The following SOX6 variants were observed in gnomAD, a reference collection of about 807,000 sequenced individuals.
The protein encoded by SOX6 is SRY-box transcription factor 6.
Under a neutral mutation model 97.8 loss-of-function variants are expected in SOX6, and 11 were observed. The ratio of observed to expected loss-of-function variants is 0.11; its 90% confidence interval spans 0.07 to 0.19. The LOEUF (loss-of-function observed/expected upper bound fraction) is 0.19. Among genes scored for constraint, SOX6 ranks in the 10% least tolerant of loss-of-function variants. The pLI is 1.00. For missense variants in SOX6, 810 were observed against 1,039.5 expected, an observed-to-expected ratio of 0.78 and a Z score of 3.04; for synonymous variants, 360 against 371.4, an observed-to-expected ratio of 0.97 and a Z score of 0.35.
chr11:16,330,289 C>T (rs1167099207), intron 2 of SOX6, among the ~76,000 whole-genome samples: 1 of 152,216 alleles, frequency 6.6e-6, no homozygotes, highest in Non-Finnish European at 1.5e-5. Context: ...CACAGTGGCT[C>T]ATGCCTATAA....
At chr11:16,280,815 G>A (rs1178083660) in intron 3 of SOX6, among the ~76,000 whole-genome samples, 2 of 152,044 alleles carry the variant, frequency 1.3e-5, no homozygotes, top group Non-Finnish European at 2.9e-5. Flanking sequence ...TTATATGTAT[G>A]AATATTCAAT....
At chr11:16,465,151 CTT>C (rs954542647) in intron 1 of SOX6, among the ~76,000 whole-genome samples, 3 of 152,180 alleles carry the variant, frequency 2.0e-5, no homozygotes, top group African/African-American at 7.2e-5. Context: ...ACTCAACTCT[CTT>C]GTTTATACCC....
intron 4 of SOX6, among the ~76,000 whole-genome samples, chr11:16,590,060 C>G (rs990415435): frequency 1.3e-5 from 2 of 152,094 alleles, no homozygotes; most frequent in Non-Finnish European, 2.9e-5. Flanking sequence ...TAAAAATCAG[C>G]ACTGCGTAAT....
intron 1 of SOX6, among the ~76,000 whole-genome samples, chr11:16,407,371 A>G (rs1329434507): frequency 6.6e-6 from 1 of 152,168 alleles, no homozygotes; most frequent in African/African-American, 2.4e-5. Flanking sequence ...AGGACACTAC[A>G]TGAGAAAGTG....
intron 3 of SOX6, among the ~76,000 whole-genome samples, chr11:16,642,342 C>T (rs1238048195): frequency 6.6e-6 from 1 of 151,978 alleles, no homozygotes; most frequent in Non-Finnish European, 1.5e-5. Flanking sequence ...CTGTGGCTGC[C>T]CTTAACATTT....
At chr11:16,398,417 A>C (rs1308815262) in intron 1 of SOX6, among the ~76,000 whole-genome samples, 1 of 151,474 alleles carries the variant, frequency 6.6e-6, no homozygotes, top group Admixed American at 6.6e-5. Flanking sequence ...GATGTGAATA[A>C]GCAAGTCCTA....
intron 4 of SOX6, among the ~76,000 whole-genome samples, chr11:16,592,047 C>CTCTTTCTT (rs1160158681): frequency 1.3e-5 from 2 of 152,014 alleles, no homozygotes; most frequent in Non-Finnish European, 2.9e-5. Context: ...TCATCTATAT[C>CTCTTTCTT]TCTTTCTTTT....
At chr11:16,504,522 A>C (rs528572188) in intron 4 of SOX6, among the ~76,000 whole-genome samples, 1 of 152,114 alleles carries the variant, frequency 6.6e-6, no homozygotes, top group African/African-American at 2.4e-5. Flanking sequence ...AATAAATTTA[A>C]TCAAGGATAA....
intron 4 of SOX6, among the ~76,000 whole-genome samples, chr11:16,512,985 G>T (rs911787358): frequency 3.3e-5 from 5 of 152,142 alleles, no homozygotes; most frequent in African/African-American, 1.2e-4. Flanking sequence ...AAATGTATAT[G>T]CAATCTAGAA....
intron 1 of SOX6, among the ~76,000 whole-genome samples, chr11:16,475,774 T>A (rs1459342129): frequency 1.3e-5 from 2 of 152,300 alleles, no homozygotes; most frequent in Non-Finnish European, 2.9e-5. Flanking sequence ...AATGCAGGGT[T>A]GCCATAAACC....
intron 10 of SOX6, among the ~76,000 whole-genome samples, chr11:16,054,794 T>C (rs535256701): frequency 5.9e-5 from 9 of 152,308 alleles, no homozygotes; most frequent in Admixed American, 6.5e-5. Flanking sequence ...AAGTCAATTA[T>C]ACAAAACAAT....
chr11:16,556,069 G>A (rs983826070), intron 4 of SOX6, among the ~76,000 whole-genome samples: 1 of 151,510 alleles, frequency 6.6e-6, no homozygotes, highest in South Asian at 2.1e-4. Flanking sequence ...ATATTCTAGA[G>A]TAACTCACAT....
intron 1 of SOX6, among the ~76,000 whole-genome samples, chr11:16,422,697 T>C (rs1344692455): frequency 6.6e-6 from 1 of 152,208 alleles, no homozygotes; most frequent in East Asian, 1.9e-4. Flanking sequence ...CACTGCTCAC[T>C]AAATCATGCA....
At chr11:16,085,202 A>T (rs551909550) in intron 9 of SOX6, among the ~76,000 whole-genome samples, 1 of 152,244 alleles carries the variant, frequency 6.6e-6, no homozygotes, top group East Asian at 1.9e-4. Context: ...CTGAGAGAGG[A>T]TATCTTTTTC....
At chr11:16,694,505 A>C (rs1407372487) in intron 3 of SOX6, among the ~76,000 whole-genome samples, 3 of 152,250 alleles carry the variant, frequency 2.0e-5, no homozygotes, top group Non-Finnish European at 4.4e-5. Flanking sequence ...CCTGGGCAAC[A>C]GAATAAGACC....
rs1267687441 is a variant in SOX6, at chr11:16,055,794, T to C, written c.1209A>G (p.Ile403Met). ...NTAGTVSPTG[I>M]KNEKRGTSPV... ...GGCTGGTCCCTCTCTTTTCATTTTT[T>C]ATCCCAGTAGGTGAGACCGTCCCTG... The change falls in exon 10 of 16, where the codon ATA (isoleucine) becomes ATG (methionine). Residue 403 changes from isoleucine to methionine, a missense_variant. Ile to Met is a conservative substitution (Grantham distance 10). Transcript: ENST00000683767. 21 of 1,613,664 alleles carry C rather than the reference T, an allele frequency of 1.3e-5. No homozygotes were observed. The highest frequency in any genetic ancestry group is 1.8e-5 in the Non-Finnish European group (21 of 1,179,818).
chr11:16,020,488 C>A (rs1031386613), intron 12 of SOX6, among the ~76,000 whole-genome samples: 1 of 152,188 alleles, frequency 6.6e-6, no homozygotes, highest in Admixed American at 6.5e-5. Flanking sequence ...TTTTCAAGAT[C>A]TTTCATACAC....
chr11:16,173,124 G>C (rs879316041), intron 6 of SOX6, among the ~76,000 whole-genome samples: 1 of 151,910 alleles, frequency 6.6e-6, no homozygotes, highest in Non-Finnish European at 1.5e-5. Flanking sequence ...CAGTAAAACA[G>C]ACTGAAAGCA....
At chr11:16,132,331 G>GAAGGAAGGAAA (rs1849779756) in intron 6 of SOX6, among the ~76,000 whole-genome samples, 1 of 62,408 alleles carries the variant, frequency 1.6e-5, no homozygotes, top group African/African-American at 6.0e-5. Context: ...AGGAAGGAAG[G>GAAGGAAGGAAA]AAAGAAAAAA....
Sources: gnomAD v4.1 joint callset for allele counts (sites outside exome capture counted in the v4.1 genomes callset) on GRCh38, gnomAD v4.1.1 for gene constraint, MANE v1.5 for transcripts, NCBI Gene and HGNC (gene_info 2026-07-23, HGNC 2026-07-21) for gene names.